The following USP3 variants were observed in gnomAD, a reference collection of about 807,000 sequenced individuals.
The protein encoded by USP3 is ubiquitin specific peptidase 3, also known as ubiquitin carboxyl-terminal hydrolase 3.
In USP3, 20 loss-of-function variants were observed where a neutral mutation model predicts 72.3. The ratio of observed to expected loss-of-function variants is 0.28; its 90% confidence interval spans 0.19 to 0.40. The LOEUF is 0.40. USP3 is among the 10% of genes least tolerant of loss of function. The pLI is 1.00. For missense variants in USP3, 479 were observed against 633.9 expected (o/e 0.76, Z 2.62); for synonymous variants, 222 against 225.3 (o/e 0.99, Z 0.13).
chr15:63,583,923 A>G (rs1265540386), intron 11 of USP3, among the ~76,000 whole-genome samples: 2 of 152,112 alleles, frequency 1.3e-5, no homozygotes, highest in East Asian at 1.9e-4. Context: ...TAATGCTGCT[A>G]TGAACACTGG....
At chr15:63,582,250 T>G (rs1052279976) in intron 11 of USP3, among the ~76,000 whole-genome samples, 1 of 152,164 alleles carries the variant, frequency 6.6e-6, no homozygotes, top group African/African-American at 2.4e-5. Flanking sequence ...AGGTAACTTT[T>G]TAAAACCCAT....
chr15:63,521,482 T>G (rs539296064), intron 1 of USP3, among the ~76,000 whole-genome samples: 1 of 152,372 alleles, frequency 6.6e-6, no homozygotes, highest in South Asian at 2.1e-4. Flanking sequence ...CACTGTGGTC[T>G]TAGAAATGTA....
chr15:63,559,104 A>G (rs1243717369), intron 6 of USP3, among the ~76,000 whole-genome samples: 1 of 152,098 alleles, frequency 6.6e-6, no homozygotes, highest in Non-Finnish European at 1.5e-5. Context: ...GACGTTGGTG[A>G]TGACCTCGAT....
In USP3 at chr15:63,593,745, A is replaced by G. The variant is rs2067245804; in HGVS notation, c.*2919A>G. On this transcript the variant is annotated 3_prime_UTR_variant, in exon 15 of 15. Coordinates refer to ENST00000380324, the MANE Select transcript of USP3 (RefSeq NM_006537.4). ...TCATTTTTAACTGTGCAGCCTTACC[A>G]CACCTATTTTGAAAGCTGATCTTTT... The G allele has an allele frequency of 6.6e-6, 1 of 152,240 alleles. No individual in the cohort carries two copies. The highest frequency in any genetic ancestry group is 2.4e-5 in the African/African-American group (1 of 41,456). The allele number at this position is 152,240 out of a possible 1,614,324, so 9.4% of individuals were successfully genotyped here. A position where few individuals can be genotyped will look rare whatever the true frequency, so the allele number is the denominator to read the frequency against.
At chr15:63,547,886 G>GAGAGAGAGAGAGAGAGAGAGGC (rs2066373078) in intron 3 of USP3, among the ~76,000 whole-genome samples, 2 of 55,846 alleles carry the variant, frequency 3.6e-5, no homozygotes, top group Non-Finnish European at 9.0e-5. Flanking sequence ...GAGAGAGAGA[G>GAGAGAGAGAGAGAGAGAGAGGC]AGAGAGAGAG....
chr15:63,527,723 A>G (rs532502402), intron 1 of USP3: 13 of 152,378 alleles, frequency 8.5e-5, no homozygotes, highest in East Asian at 7.7e-4. Context: ...TTAGGCCTCT[A>G]TAGGCACAGA....
At chr15:63,532,492 C>T in intron 1 of USP3, 155 bp from the exon 2 acceptor site, 1 of 763,472 alleles carries the variant, frequency 1.3e-6, no homozygotes, top group Non-Finnish European at 2.2e-6. Flanking sequence ...CTTAATTAGG[C>T]AGCCATTTTG....
chr15:63,514,561 C>T (rs181087366), intron 1 of USP3, among the ~76,000 whole-genome samples: 5 of 152,000 alleles, frequency 3.3e-5, no homozygotes, highest in African/African-American at 1.2e-4. Flanking sequence ...ACTTTTTCCC[C>T]CTCCACTTTG....
rs138656495 is a variant in USP3 at position 63,533,966 on chromosome 15, G to A, written c.152+1259G>A. ...ATTTATGTAGTTCTGTTCTCCAGAAGTCTCGTAGTGCTCTACAACCTAAAT... is the reference window on the plus strand; with the variant it reads ...ATTTATGTAGTTCTGTTCTCCAGAAATCTCGTAGTGCTCTACAACCTAAAT... On this transcript the variant is annotated intron_variant, in intron 2 of 14. Transcript: ENST00000380324. 9.4e-4 allele frequency: 745 copies of A among 794,562 alleles called. 7 individuals are homozygous for A. The East Asian group carries it at 0.021, about 22-fold the overall frequency. 49.2% of individuals were successfully genotyped at this position (794,562 alleles called of 1,614,324 possible). A position where few individuals can be genotyped will look rare whatever the true frequency, so the allele number is the denominator to read the frequency against.
In USP3 at chr15:63,591,403, G is replaced by GTCTT. The variant is rs2067196854; in HGVS notation, c.*579_*582dup. 1.3e-5 allele frequency: 2 copies of GTCTT among 152,374 alleles called. No homozygotes were observed. Among genetic ancestry groups the GTCTT allele is most frequent in the Admixed American group, 6.5e-5 (1 of 15,312 alleles). 9.4% of individuals were successfully genotyped at this position (152,374 alleles called of 1,614,324 possible). ...TTACTGCTTGTCTCTCAAGGCTGCT[G>GTCTT]TCTTTATCAGCACTAACTAAATAAA... is the stretch of plus-strand genomic sequence containing the variant. On this transcript the variant is annotated 3_prime_UTR_variant, in exon 15 of 15. Transcript: ENST00000380324.
intron 8 of USP3, among the ~76,000 whole-genome samples, chr15:63,569,070 G>C (rs1198289601): frequency 6.6e-6 from 1 of 152,098 alleles, no homozygotes; most frequent in Non-Finnish European, 1.5e-5. Flanking sequence ...ATACATTTTA[G>C]GAAAATGATG....
At chr15:63,590,093 C>T (rs937799503) in intron 14 of USP3, among the ~76,000 whole-genome samples, 5 of 152,182 alleles carry the variant, frequency 3.3e-5, no homozygotes, top group South Asian at 2.1e-4. Flanking sequence ...ATTTTGTAGG[C>T]GTGCAAAAGG....
intron 3 of USP3, among the ~76,000 whole-genome samples, chr15:63,552,687 T>G (rs1197637792): frequency 2.0e-5 from 3 of 152,128 alleles, no homozygotes; most frequent in Non-Finnish European, 2.9e-5. Flanking sequence ...CAAGCATGCT[T>G]TTTTGTGTAA....
chr15:63,546,563 T>A (rs2066331067), intron 3 of USP3, among the ~76,000 whole-genome samples: 1 of 152,208 alleles, frequency 6.6e-6, no homozygotes, highest in Non-Finnish European at 1.5e-5. Context: ...GAAAAGATTT[T>A]TAGAACTTTT....
chr15:63,576,474 T>C (rs2066865800), intron 11 of USP3, among the ~76,000 whole-genome samples: 1 of 152,214 alleles, frequency 6.6e-6, no homozygotes, highest in African/African-American at 2.4e-5. Context: ...CAGTTACGAC[T>C]TATCCCAGAA....
chr15:63,507,094 A>G (rs1465710427), intron 1 of USP3, among the ~76,000 whole-genome samples: 1 of 151,414 alleles, frequency 6.6e-6, no homozygotes, highest in African/African-American at 2.4e-5. Context: ...TCTTGATTTT[A>G]TTTTATTTTT....
chr15:63,515,368 A>C (rs1308736559), intron 1 of USP3: 1 of 152,236 alleles, frequency 6.6e-6, no homozygotes, highest in Non-Finnish European at 1.5e-5. Flanking sequence ...TTCATGGTGA[A>C]AGCATAAGGA....
intron 4 of USP3, among the ~76,000 whole-genome samples, chr15:63,555,398 C>A (rs1287372030): frequency 1.3e-5 from 2 of 151,648 alleles, no homozygotes; most frequent in Non-Finnish European, 2.9e-5. Flanking sequence ...TCCATCCACT[C>A]TAATATGGTA....
At chr15:63,514,536 A>T (rs1197646306) in intron 1 of USP3, among the ~76,000 whole-genome samples, 2 of 152,272 alleles carry the variant, frequency 1.3e-5, no homozygotes. Flanking sequence ...GTTTCCCAGT[A>T]AGTACAAGTG....
Sources: allele counts gnomAD v4.1 joint callset (sites outside exome capture counted in the v4.1 genomes callset), GRCh38; gene constraint gnomAD v4.1.1; transcripts MANE v1.5; gene names NCBI Gene and HGNC (gene_info 2026-07-23, HGNC 2026-07-21).